TMEM132D: variants seen among roughly 807,000 people sequenced by gnomAD.
TMEM132D encodes transmembrane protein 132D.
TMEM132D carries 21 observed loss-of-function variants against 62.3 expected under a neutral mutation model. The observed-to-expected ratio is 0.34, with a 90% CI of 0.24 to 0.49. The LOEUF is 0.49. TMEM132D is among the 20% of genes least tolerant of loss of function. TMEM132D has a pLI of 0.99. For missense variants in TMEM132D, 1,346 were observed against 1,402.8 expected (o/e 0.96, Z 0.65); for synonymous variants, 621 against 575.6 (o/e 1.08, Z -1.13).
At chr12:129,591,394 G>A (rs1459387559) in intron 2 of TMEM132D, among the ~76,000 whole-genome samples, 1 of 152,178 alleles carries the variant, frequency 6.6e-6, no homozygotes, top group African/African-American at 2.4e-5. Context: ...CTGTGCTTTG[G>A]AAGAAGGCTT....
intron 5 of TMEM132D, among the ~76,000 whole-genome samples, chr12:129,152,926 G>T (rs1877116544): frequency 6.6e-6 from 1 of 152,116 alleles, no homozygotes. Flanking sequence ...TGTGCTTTGG[G>T]CAGTGTCTCT....
chr12:129,533,404 T>C (rs1220927565), intron 2 of TMEM132D, among the ~76,000 whole-genome samples: 4 of 152,256 alleles, frequency 2.6e-5, no homozygotes, highest in Non-Finnish European at 5.9e-5. Context: ...TGTGGACAGC[T>C]ACTATTATAC....
intron 2 of TMEM132D, among the ~76,000 whole-genome samples, chr12:129,630,996 G>C (rs760561393): frequency 2.0e-5 from 3 of 151,980 alleles, no homozygotes; most frequent in Non-Finnish European, 1.5e-5. Context: ...GGAATCAATC[G>C]GAATGCCCAT....
intron 5 of TMEM132D, among the ~76,000 whole-genome samples, chr12:129,160,489 G>A (rs1027546229): frequency 1.3e-5 from 2 of 152,218 alleles, no homozygotes; most frequent in Non-Finnish European, 2.9e-5. Flanking sequence ...AGCAGATCAT[G>A]GAACTGAATC....
intron 2 of TMEM132D, among the ~76,000 whole-genome samples, chr12:129,539,428 G>A (rs1193754024): frequency 3.7e-4 from 47 of 126,030 alleles, no homozygotes; most frequent in South Asian, 2.1e-3. Flanking sequence ...TTTTTGAGAC[G>A]GAGTCTCACT....
chr12:129,499,187 G>C (rs764690849), intron 3 of TMEM132D, among the ~76,000 whole-genome samples: 4 of 152,122 alleles, frequency 2.6e-5, no homozygotes, highest in Non-Finnish European at 5.9e-5. Flanking sequence ...AAAAACATAT[G>C]CAAAATATTG....
intron 4 of TMEM132D, among the ~76,000 whole-genome samples, chr12:129,269,274 T>A (rs891385266): frequency 6.6e-6 from 1 of 152,166 alleles, no homozygotes; most frequent in Non-Finnish European, 1.5e-5. Context: ...AGAGAAAACC[T>A]CCAGGCCACC....
chr12:129,292,134 A>G (rs1881464521), intron 4 of TMEM132D, among the ~76,000 whole-genome samples: 1 of 152,232 alleles, frequency 6.6e-6, no homozygotes, highest in African/African-American at 2.4e-5. Flanking sequence ...ATCAACATTC[A>G]CATCTATTGG....
chr12:129,819,967 C>G (rs1872499039), intron 1 of TMEM132D, among the ~76,000 whole-genome samples: 1 of 152,122 alleles, frequency 6.6e-6, no homozygotes, highest in Non-Finnish European at 1.5e-5. Flanking sequence ...GTGGACATGA[C>G]TGCTCTCAAG....
At chr12:129,468,895 G>T (rs1270813205) in intron 3 of TMEM132D, among the ~76,000 whole-genome samples, 1 of 152,102 alleles carries the variant, frequency 6.6e-6, no homozygotes, top group Non-Finnish European at 1.5e-5. Flanking sequence ...CTTCCAGATG[G>T]AAACAGATGT....
At chr12:129,153,516 A>T (rs914988637) in intron 5 of TMEM132D, among the ~76,000 whole-genome samples, 3 of 152,194 alleles carry the variant, frequency 2.0e-5, no homozygotes, top group African/African-American at 7.2e-5. Flanking sequence ...GAAGGAGAGC[A>T]GTACATACTA....
chr12:129,674,243 A>G (rs1880573281), intron 2 of TMEM132D, among the ~76,000 whole-genome samples: 1 of 152,200 alleles, frequency 6.6e-6, no homozygotes. Flanking sequence ...TGAGCAGCAC[A>G]CTCAGCCTGC....
At chr12:129,671,497 CA>C (rs1484310911) in intron 2 of TMEM132D, among the ~76,000 whole-genome samples, 1 of 152,074 alleles carries the variant, frequency 6.6e-6, no homozygotes, top group Non-Finnish European at 1.5e-5. Flanking sequence ...AGTCAATTAA[CA>C]AAGGTTAAAT....
intron 5 of TMEM132D, among the ~76,000 whole-genome samples, chr12:129,099,179 C>T (rs1027429416): frequency 3.9e-5 from 6 of 152,174 alleles, no homozygotes; most frequent in African/African-American, 1.4e-4. Flanking sequence ...ATTTACTACC[C>T]CTCTAAAATC....
rs571931013 is a variant in TMEM132D at position 129,359,205 on chromosome 12, G to A, written c.1116-21388C>T. On this transcript the variant is annotated intron_variant, in intron 3 of 8. Coordinates refer to ENST00000422113, the MANE Select transcript of TMEM132D (RefSeq NM_133448.3). ...CAATATTGTATGATTCCACTAATAT[G>A]AAACATCAACAATAGGCCAATCCAT... 2.0e-5 allele frequency among the ~76,000 whole-genome samples: 3 copies of A among 152,254 alleles called. No individual in the cohort carries two copies. In the South Asian group the frequency reaches 6.2e-4, roughly 32 times the overall value.
In TMEM132D at chr12:129,371,313, ATGG is replaced by A. The variant is rs1366932074; in HGVS notation, c.1116-33499_1116-33497del. Among the ~76,000 whole-genome samples, 2 of 150,468 alleles carry A rather than the reference ATGG, an allele frequency of 1.3e-5. No homozygotes were observed. Among genetic ancestry groups the A allele is most frequent in the East Asian group, 3.9e-4 (2 of 5,104 alleles). On this transcript the variant is annotated intron_variant, in intron 3 of 8. Coordinates refer to ENST00000422113, the MANE Select transcript of TMEM132D (RefSeq NM_133448.3). This position sits in a 1 kb window ranked among gnomAD's most constrained non-coding sequence, Gnocchi z 4.3. ...GATGATGATGATGGAGATAATGATG[ATGG>A]TGGTGGTGATAACGATGGTGATGAT... is the stretch of plus-strand genomic sequence containing the variant.
At chr12:129,501,152 G>A (rs190389672) in intron 3 of TMEM132D, among the ~76,000 whole-genome samples, 306 of 152,250 alleles carry the variant, frequency 2.0e-3, no homozygotes, top group Non-Finnish European at 3.7e-3. Flanking sequence ...AAGCTTCTAG[G>A]ATTCAGGGGA....
intron 2 of TMEM132D, among the ~76,000 whole-genome samples, chr12:129,578,258 C>T (rs984062672): frequency 2.6e-5 from 4 of 152,136 alleles, no homozygotes; most frequent in Non-Finnish European, 5.9e-5. Context: ...GCACCCCAGG[C>T]TTCCCCGGGG....
chr12:129,515,082 C>A (rs1446666715), intron 3 of TMEM132D, among the ~76,000 whole-genome samples: 1 of 152,192 alleles, frequency 6.6e-6, no homozygotes, highest in Non-Finnish European at 1.5e-5. Flanking sequence ...AGCCCCAGTT[C>A]AGCATATTTC....
Sources: gnomAD v4.1 joint callset for allele counts (sites outside exome capture counted in the v4.1 genomes callset) on GRCh38, gnomAD v4.1.1 for gene constraint, Gnocchi (gnomAD v3.1) non-coding constraint, MANE v1.5 for transcripts, NCBI Gene and HGNC (gene_info 2026-07-23, HGNC 2026-07-21) for gene names.